COL23A1: variants seen among roughly 807,000 people sequenced by gnomAD.
COL23A1 encodes collagen alpha-1(XXIII) chain.
A neutral mutation model predicts 99.3 loss-of-function variants in COL23A1; 97 were observed. The ratio of observed to expected loss-of-function variants is 0.98; its 90% CI spans 0.83 to 1.16. The LOEUF is 1.16. Ranked by LOEUF, COL23A1 falls within the 50% of genes most tolerant of loss-of-function variation. The pLI is 0.00. For missense variants in COL23A1, 762 were observed against 757.4 expected, an observed-to-expected ratio of 1.01 and a Z score of -0.07; for synonymous variants, 320 against 308.2, an observed-to-expected ratio of 1.04 and a Z score of -0.40.
chr5:178,375,236 T>C (rs960709697), intron 2 of COL23A1, among the ~76,000 whole-genome samples: 23 of 151,148 alleles, frequency 1.5e-4, no homozygotes, highest in Non-Finnish European at 5.9e-5. Flanking sequence ...GGACAGAAAG[T>C]AGACTCGTGG....
At chr5:178,403,123 T>G (rs7445838) in intron 2 of COL23A1, among the ~76,000 whole-genome samples, 1 of 47,206 alleles carries the variant, frequency 2.1e-5, no homozygotes, top group Non-Finnish European at 3.6e-5. Flanking sequence ...AAAAAAAAAA[T>G]AAATAAATAA....
At chr5:178,540,004 G>A (rs1458236542) in intron 2 of COL23A1, among the ~76,000 whole-genome samples, 1 of 152,142 alleles carries the variant, frequency 6.6e-6, no homozygotes, top group African/African-American at 2.4e-5. Context: ...AAAAAAGGGG[G>A]AAAAGTCATA....
intron 1 of COL23A1, among the ~76,000 whole-genome samples, chr5:178,567,231 C>A (rs1762882208): frequency 1.3e-5 from 2 of 152,176 alleles, no homozygotes; most frequent in Admixed American, 1.3e-4. Context: ...AACAGTCATA[C>A]CCTAGTAGTA....
At chr5:178,272,799 G>C (rs1756366966) in intron 5 of COL23A1, among the ~76,000 whole-genome samples, 1 of 151,760 alleles carries the variant, frequency 6.6e-6, no homozygotes, top group Admixed American at 6.6e-5. Flanking sequence ...CGTCCCACTA[G>C]GCATCCCCAC....
At chr5:178,520,770 T>C (rs2546645) in intron 2 of COL23A1, among the ~76,000 whole-genome samples, 55,450 of 152,050 alleles carry the variant, frequency 0.36, 11,601 homozygotes, top group East Asian at 0.67. Flanking sequence ...GAGATAACAC[T>C]CTGTGCACGA....
Position 178,267,290 on chromosome 5 carries a change from T to C in COL23A1, c.522+17A>G. 1 of 1,613,646 alleles carries C rather than the reference T, an allele frequency of 6.2e-7. No homozygotes were observed. Among genetic ancestry groups the C allele is most frequent in the Admixed American group, 1.7e-5 (1 of 59,978 alleles). ...CAAACCATGTGGGCAGTGAGGGAGG[T>C]CATGCCTGGTTCTTACCCGGGGGCC... On this transcript the variant is annotated intron_variant, in intron 8 of 28. Transcript: ENST00000390654.
chr5:178,460,629 G>T (rs970916361), intron 2 of COL23A1, among the ~76,000 whole-genome samples: 1 of 152,182 alleles, frequency 6.6e-6, no homozygotes, highest in Non-Finnish European at 1.5e-5. Context: ...CTTCCCAGAT[G>T]CTTTCCATGC....
At chr5:178,420,913 G>A (rs1052662021) in intron 2 of COL23A1, among the ~76,000 whole-genome samples, 2 of 151,648 alleles carry the variant, frequency 1.3e-5, no homozygotes, top group African/African-American at 4.9e-5. Flanking sequence ...CATTCCCAAG[G>A]AAAACCCTCA....
In COL23A1 at chr5:178,558,884, G is replaced by A. The variant is rs546869517; in HGVS notation, c.361+1798C>T. On this transcript the variant is annotated intron_variant, in intron 2 of 28. Coordinates refer to ENST00000390654, the MANE Select transcript of COL23A1 (RefSeq NM_173465.4). ...GCTCACTGCAACCTCCACCTCCCAG[G>A]ATGAAGCAATTCTCCCACCTCAGCC... is the stretch of plus-strand genomic sequence containing the variant. 8.5e-5 allele frequency among the ~76,000 whole-genome samples: 13 copies of A among 152,070 alleles called. No homozygotes were observed. The East Asian group carries it at 2.1e-3, about 25-fold the overall frequency.
chr5:178,353,947 A>G (rs1054087941), intron 2 of COL23A1, among the ~76,000 whole-genome samples: 1 of 151,800 alleles, frequency 6.6e-6, no homozygotes, highest in Non-Finnish European at 1.5e-5. Context: ...GTTAAAAAAA[A>G]AAAAAAACCA....
rs112008085 is a variant in COL23A1, at chr5:178,387,969, T to C, written c.362-81050A>G. On this transcript the variant is annotated intron_variant, in intron 2 of 28. Coordinates refer to ENST00000390654, the MANE Select transcript of COL23A1 (RefSeq NM_173465.4). This position sits in a 1 kb window ranked among gnomAD's most constrained non-coding sequence, Gnocchi z 4.7. Reference sequence around the variant, plus strand: ...ACAGAAATGGGCAAGTGGGAGGAGATTGATGCAGAAAGCCCCCCGCCACCA... The same window carrying C: ...ACAGAAATGGGCAAGTGGGAGGAGACTGATGCAGAAAGCCCCCCGCCACCA... 7.9e-5 allele frequency among the ~76,000 whole-genome samples: 12 copies of C among 152,100 alleles called. No homozygotes were observed. The highest frequency in any genetic ancestry group is 2.6e-4 in the Admixed American group (4 of 15,280).
At chr5:178,400,838 A>G (rs1764409767) in intron 2 of COL23A1, among the ~76,000 whole-genome samples, 1 of 152,090 alleles carries the variant, frequency 6.6e-6, no homozygotes, top group Non-Finnish European at 1.5e-5. Flanking sequence ...GGGTTTCACC[A>G]TATTAGCCAG....
intron 2 of COL23A1, among the ~76,000 whole-genome samples, chr5:178,327,497 A>G (rs938536550): frequency 6.6e-6 from 1 of 152,110 alleles, no homozygotes; most frequent in Non-Finnish European, 1.5e-5. Context: ...TGGAGACCTT[A>G]TCTGCCAGGA....
At chr5:178,267,525 G>A (rs920997134) in intron 7 of COL23A1, among the ~76,000 whole-genome samples, 192 bp from the exon 8 acceptor site, 1 of 152,196 alleles carries the variant, frequency 6.6e-6, no homozygotes, top group African/African-American at 2.4e-5. Flanking sequence ...ACCTGCTCAA[G>A]GTCACACAGC....
chr5:178,257,616 G>T, intron 12 of COL23A1, 49 bp from the exon 13 acceptor site: 1 of 1,539,044 alleles, frequency 6.5e-7, no homozygotes, highest in South Asian at 1.2e-5. Flanking sequence ...CGGGTGGCCA[G>T]TGGGCCCCTC....
chr5:178,543,350 T>A (rs1430709289), intron 2 of COL23A1, among the ~76,000 whole-genome samples: 1 of 152,060 alleles, frequency 6.6e-6, no homozygotes, highest in Non-Finnish European at 1.5e-5. Context: ...CAGGTGATTC[T>A]CCCACCTTGG....
rs918186101 is a variant in COL23A1, at chr5:178,340,537, A to C, written c.362-33618T>G. 6.6e-6 allele frequency among the ~76,000 whole-genome samples: 1 copy of C among 152,208 alleles called. No individual in the cohort carries two copies. Among genetic ancestry groups the C allele is most frequent in the Non-Finnish European group, 1.5e-5 (1 of 68,036 alleles). Reference sequence around the variant, plus strand: ...TCAGAGCTTCTCAAATCCCTGGTGCATGCGAACCATCTAGGAATCTTGCGG... The same window carrying C: ...TCAGAGCTTCTCAAATCCCTGGTGCCTGCGAACCATCTAGGAATCTTGCGG... On this transcript the variant is annotated intron_variant, in intron 2 of 28. Transcript: ENST00000390654. This position sits in a 1 kb window ranked among gnomAD's most constrained non-coding sequence, Gnocchi z 4.7.
intron 2 of COL23A1, among the ~76,000 whole-genome samples, chr5:178,465,558 C>G (rs1756372287): frequency 1.3e-5 from 2 of 152,190 alleles, no homozygotes; most frequent in South Asian, 2.1e-4. Flanking sequence ...AGGCCCACAG[C>G]ACCCAGGGCA....
chr5:178,256,440 C>T, intron 14 of COL23A1, 43 bp from the exon 15 acceptor site: 1 of 1,575,800 alleles, frequency 6.3e-7, no homozygotes, highest in South Asian at 1.2e-5. Flanking sequence ...AGCTGTGAAG[C>T]CAAAACACAC....
Sources: allele counts gnomAD v4.1 joint callset (sites outside exome capture counted in the v4.1 genomes callset), GRCh38; gene constraint gnomAD v4.1.1; non-coding constraint Gnocchi (gnomAD v3.1); transcripts MANE v1.5; gene names NCBI Gene and HGNC (gene_info 2026-07-23, HGNC 2026-07-21).